The following POC5 variants were observed in gnomAD, a reference collection of about 807,000 sequenced individuals.
POC5 encodes the protein centrosomal protein POC5.
A neutral mutation model predicts 62.9 loss-of-function variants in POC5; 48 were observed. The observed-to-expected ratio is 0.76, with a 90% CI of 0.61 to 0.97. The LOEUF is 0.97. Among genes scored for constraint, POC5 ranks in the 50% least tolerant of loss-of-function variants. The pLI, the probability that POC5 is intolerant of heterozygous loss-of-function variation, is 0.00. For missense variants in POC5, 696 were observed against 679.5 expected, an observed-to-expected ratio of 1.02 and a Z score of -0.27; for synonymous variants, 236 against 228.2, an observed-to-expected ratio of 1.03 and a Z score of -0.31.
chr5:75,699,905 G>A (rs1475835825), intron 5 of POC5, among the ~76,000 whole-genome samples: 1 of 151,454 alleles, frequency 6.6e-6, no homozygotes, highest in Non-Finnish European at 1.5e-5. Flanking sequence ...AAAATCACAA[G>A]CATTCTTATA....
rs199500543 is a variant in POC5, at chr5:75,677,969, A to G, written c.1408-19T>C. The G allele has an allele frequency of 8.1e-6, 12 of 1,479,172 alleles. No homozygotes were observed. Among genetic ancestry groups the G allele is most frequent in the Middle Eastern group, 1.8e-4 (1 of 5,572 alleles). The allele number at this position is 1,479,172 out of a possible 1,614,324, so 91.6% of individuals were successfully genotyped here. A position where few individuals can be genotyped will look rare whatever the true frequency, so the allele number is the denominator to read the frequency against. ...GCACATACTAAGAAGAAAAAAAAAT[A>G]AAAGAAGTAACAAGGTGGCAGAAAA... is the stretch of plus-strand genomic sequence containing the variant. On this transcript the variant is annotated intron_variant, in intron 10 of 11. Transcript: ENST00000428202.
rs1436971626 is a variant in POC5, at chr5:75,693,483, C to T, written c.691-983G>A. Among the ~76,000 whole-genome samples, 3 of 152,040 alleles carry T rather than the reference C, an allele frequency of 2.0e-5. No homozygotes were observed. The South Asian group carries it at 6.2e-4, about 32-fold the overall frequency. On this transcript the variant is annotated intron_variant, in intron 6 of 11. Coordinates refer to ENST00000428202, the MANE Select transcript of POC5 (RefSeq NM_001099271.2). ...AAGCTGAATCGTAGTACCTGTCTAT[C>T]CACTTTACTCATTCTCATAAACTGA...
chr5:75,713,024 G>A (rs1777413377), intron 1 of POC5, 73 bp from the exon 2 acceptor site: 6 of 1,049,300 alleles, frequency 5.7e-6, no homozygotes, highest in Non-Finnish European at 8.4e-6. Context: ...ATATATATAA[G>A]TGCAACAGTA....
At chr5:75,712,513 T>C in intron 2 of POC5, 1 of 1,427,878 alleles carries the variant, frequency 7.0e-7, no homozygotes, top group Non-Finnish European at 9.7e-7. Flanking sequence ...TGATATTGTA[T>C]TAATTTGCAT....
chr5:75,715,389 G>A (rs1015096336), intron 1 of POC5, among the ~76,000 whole-genome samples: 1 of 151,444 alleles, frequency 6.6e-6, no homozygotes, highest in South Asian at 2.1e-4. Context: ...TCACAGTTCC[G>A]CATGTCTGGG....
intron 1 of POC5, among the ~76,000 whole-genome samples, chr5:75,714,740 T>C (rs997599232): frequency 6.6e-6 from 1 of 152,014 alleles, no homozygotes; most frequent in Non-Finnish European, 1.5e-5. Context: ...GGCACTAGGG[T>C]AAAGCTGCAA....
At chr5:75,696,551 C>T (rs1025863027) in intron 5 of POC5, among the ~76,000 whole-genome samples, 2 of 151,494 alleles carry the variant, frequency 1.3e-5, no homozygotes, top group Non-Finnish European at 3.0e-5. Context: ...ACACCAAAAA[C>T]CCATCTGTAC....
chr5:75,685,103 G>A (rs1381358998), intron 10 of POC5, 104 bp downstream of exon 10: 6 of 1,229,716 alleles, frequency 4.9e-6, no homozygotes, highest in South Asian at 2.9e-5. Flanking sequence ...TCCTGACCTC[G>A]TGATCCACCT....
intron 9 of POC5, among the ~76,000 whole-genome samples, chr5:75,687,220 C>T (rs1261921555): frequency 2.0e-5 from 3 of 152,052 alleles, no homozygotes; most frequent in African/African-American, 7.2e-5. Context: ...TTAGTAGAGA[C>T]GGGATTTCAC....
intron 10 of POC5, among the ~76,000 whole-genome samples, chr5:75,682,489 G>A (rs1329714337): frequency 6.6e-6 from 1 of 150,926 alleles, no homozygotes; most frequent in Admixed American, 6.6e-5. Context: ...AAATATGTCA[G>A]AGTTGAATTT....
At chr5:75,684,806 C>T (rs1301596556) in intron 10 of POC5, among the ~76,000 whole-genome samples, 1 of 141,766 alleles carries the variant, frequency 7.1e-6, no homozygotes, top group Non-Finnish European at 1.6e-5. Flanking sequence ...CTAAATACCA[C>T]AGATTTTTTT....
At chr5:75,705,927 A>T (rs901464850) in intron 3 of POC5, 140 bp from the exon 4 acceptor site, 11 of 545,346 alleles carry the variant, frequency 2.0e-5, no homozygotes, top group South Asian at 2.9e-5. Context: ...AGGAACACTA[A>T]AACAAAGGAC....
chr5:75,692,016 A>C (rs1289118133), intron 7 of POC5, among the ~76,000 whole-genome samples: 1 of 152,274 alleles, frequency 6.6e-6, no homozygotes, highest in East Asian at 1.9e-4. Context: ...AAGCCTCTTT[A>C]TGAATAAGTT....
At chr5:75,674,756 C>T (rs1775590229) in intron 11 of POC5, among the ~76,000 whole-genome samples, 178 bp from the exon 12 acceptor site, 1 of 152,180 alleles carries the variant, frequency 6.6e-6, no homozygotes, top group South Asian at 2.1e-4. Context: ...TAAGGAACCC[C>T]TACCCAGTCT....
chr5:75,700,793 C>T lies in POC5; in HGVS notation c.513+1812G>A, dbSNP rs1455291422. Reference sequence around the variant, plus strand: ...CAGAGTGAACAGGCAACCTACAAAACGGGAGAAAATTTTCACAACCTACTT... The same window carrying T: ...CAGAGTGAACAGGCAACCTACAAAATGGGAGAAAATTTTCACAACCTACTT... On this transcript the variant is annotated intron_variant, in intron 5 of 11. Coordinates refer to ENST00000428202, the MANE Select transcript of POC5 (RefSeq NM_001099271.2). Among the ~76,000 whole-genome samples, 900 of 120,124 alleles carry T rather than the reference C, an allele frequency of 7.5e-3. 30 individuals are homozygous for T. The highest frequency in any genetic ancestry group is 0.024 in the Middle Eastern group (6 of 246). The allele number at this position is 120,124 out of a possible 152,430, so 78.8% of individuals were successfully genotyped here.
intron 5 of POC5, among the ~76,000 whole-genome samples, chr5:75,695,506 T>C (rs967632173): frequency 3.9e-5 from 6 of 152,182 alleles, no homozygotes; most frequent in African/African-American, 1.4e-4. Context: ...TGAAGAATTA[T>C]TTCTAGAATT....
intron 5 of POC5, chr5:75,696,138 G>C (rs1184104841): frequency 1.2e-5 from 2 of 160,664 alleles, no homozygotes; most frequent in African/African-American, 4.8e-5. Flanking sequence ...GCTGGGGGAG[G>C]GGCACCCGCC....
At chr5:75,685,128 A>C (rs1030377160) in intron 10 of POC5, 79 bp downstream of exon 10, 4 of 1,449,306 alleles carry the variant, frequency 2.8e-6, no homozygotes, top group African/African-American at 1.4e-5. Flanking sequence ...CGGCCTCCCA[A>C]AGTGCTGGGA....
chr5:75,701,184 T>A (rs1466967361), intron 5 of POC5, among the ~76,000 whole-genome samples: 1 of 140,248 alleles, frequency 7.1e-6, no homozygotes, highest in Non-Finnish European at 1.6e-5. Context: ...GATCTAGAAC[T>A]ACAAATACCA....
Sources: allele counts gnomAD v4.1 joint callset (sites outside exome capture counted in the v4.1 genomes callset), GRCh38; gene constraint gnomAD v4.1.1; transcripts MANE v1.5; gene names NCBI Gene and HGNC (gene_info 2026-07-23, HGNC 2026-07-21).